DAB1: variants seen among roughly 807,000 people sequenced by gnomAD.
DAB1 encodes DAB adaptor protein 1.
A neutral mutation model predicts 64.6 loss-of-function variants in DAB1; 15 were observed. The observed-to-expected ratio is 0.23, with a 90% confidence interval of 0.16 to 0.36. DAB1 has a LOEUF of 0.36. Among genes scored for constraint, DAB1 ranks in the 10% least tolerant of loss-of-function variants. DAB1 has a pLI of 1.00. For synonymous variants in DAB1, 235 were observed against 251.9 expected (o/e 0.93, Z 0.64); for missense variants, 596 against 706.7 (o/e 0.84, Z 1.78).
chr1:58,518,277 G>GAGAAGAGAAGAGAA (rs1553123887), intron 2 of DAB1, among the ~76,000 whole-genome samples: 1 of 2,404 alleles, frequency 4.2e-4, no homozygotes, highest in Non-Finnish European at 7.7e-4. Context: ...AGAGAGGAGA[G>GAGAAGAGAAGAGAA]GAGAAGAGAA....
chr1:58,334,013 G>A (rs987998528), intron 4 of DAB1, among the ~76,000 whole-genome samples: 3 of 152,236 alleles, frequency 2.0e-5, no homozygotes, highest in South Asian at 2.1e-4. Context: ...TACTCTCTCC[G>A]TCTCTGTAAT....
intron 5 of DAB1, among the ~76,000 whole-genome samples, chr1:58,103,390 G>C (rs1303200190): frequency 6.6e-6 from 1 of 152,100 alleles, no homozygotes; most frequent in Admixed American, 6.5e-5. Context: ...ATACTCTGTT[G>C]CAACTACTCA....
chr1:58,497,224 A>C (rs2100394944), intron 3 of DAB1, among the ~76,000 whole-genome samples: 1 of 152,302 alleles, frequency 6.6e-6, no homozygotes, highest in Admixed American at 6.5e-5. Flanking sequence ...GTTTTAAAAC[A>C]AACAAAACAA....
chr1:57,480,315 G>A (rs897522938), intron 7 of DAB1, among the ~76,000 whole-genome samples: 1 of 152,228 alleles, frequency 6.6e-6, no homozygotes, highest in East Asian at 1.9e-4. Flanking sequence ...GCTTAGATGG[G>A]ATAATGGGTC....
chr1:58,029,695 T>G (rs941262862), intron 5 of DAB1, among the ~76,000 whole-genome samples: 1 of 152,158 alleles, frequency 6.6e-6, no homozygotes, highest in East Asian at 1.9e-4. Flanking sequence ...AATGATCAGA[T>G]GAGGAAAAAT....
At chr1:58,165,178 T>C (rs1655761015) in intron 4 of DAB1, among the ~76,000 whole-genome samples, 1 of 152,144 alleles carries the variant, frequency 6.6e-6, no homozygotes, top group Non-Finnish European at 1.5e-5. Context: ...CACTGTTGCT[T>C]TTTCTTGAAG....
chr1:58,254,360 C>T (rs74509995), intron 4 of DAB1, among the ~76,000 whole-genome samples: 2,581 of 151,386 alleles, frequency 0.017, 71 homozygotes, highest in African/African-American at 0.06. Context: ...AGATCAACAG[C>T]TTAAGGCAAA....
intron 3 of DAB1, among the ~76,000 whole-genome samples, chr1:57,144,557 G>T (rs569113684): frequency 6.6e-5 from 10 of 152,074 alleles, no homozygotes; most frequent in Admixed American, 5.9e-4. Flanking sequence ...AGCCAGGCCT[G>T]GTAGTGTGCA....
intron 5 of DAB1, among the ~76,000 whole-genome samples, chr1:57,979,076 G>T (rs1024047527): frequency 2.6e-5 from 4 of 152,104 alleles, no homozygotes; most frequent in Admixed American, 6.5e-5. Context: ...TATACTCAAA[G>T]AATTACAAAT....
Position 58,436,809 on chromosome 1 carries a change from C to T in DAB1, n.257+69251G>A, listed in dbSNP as rs192189069. Among the ~76,000 whole-genome samples, 9 of 152,316 alleles carry T rather than the reference C, an allele frequency of 5.9e-5. No individual in the cohort carries two copies. The East Asian group carries it at 1.7e-3, about 29-fold the overall frequency. On this transcript the variant is annotated intron_variant and non_coding_transcript_variant, in intron 3 of 20. Transcript: ENST00000485760. The stretch of plus-strand genomic sequence containing the variant: ...TTTAAATAAAGAAGTGCAGTGTCAG[C>T]GATGTTTGCACTTCCCATTTGGGTG...
At chr1:57,638,742 G>A (rs1412504756) in intron 7 of DAB1, among the ~76,000 whole-genome samples, 3 of 152,070 alleles carry the variant, frequency 2.0e-5, no homozygotes, top group Non-Finnish European at 4.4e-5. Flanking sequence ...GGCAAAGGCA[G>A]GAAAGGGCAT....
At chr1:57,566,857 G>A (rs181745359) in intron 7 of DAB1, among the ~76,000 whole-genome samples, 3 of 152,300 alleles carry the variant, frequency 2.0e-5, no homozygotes, top group Admixed American at 2.0e-4. Flanking sequence ...ACAAGAAGGA[G>A]CTGGTACCAT....
At chr1:57,887,692 T>C (rs1006678905), upstream of DAB1, among the ~76,000 whole-genome samples, 3 of 152,182 alleles carry the variant, frequency 2.0e-5, no homozygotes, top group African/African-American at 4.8e-5. Context: ...TGCTCAGATA[T>C]AAGCAGAGCA....
chr1:57,807,772 C>T (rs1416598418), intron 6 of DAB1, among the ~76,000 whole-genome samples: 1 of 152,106 alleles, frequency 6.6e-6, no homozygotes, highest in African/African-American at 2.4e-5. Context: ...TCAAACACCC[C>T]TGAGACAGCA....
chr1:57,741,932 T>C lies in DAB1; in HGVS notation n.552-92267A>G, dbSNP rs1396556232. ...AAATAGATTGTAATCACTGTAAACTTTCCCTTGTTACAGTTTTCGAGTGCT... is the reference window on the plus strand; with the variant it reads ...AAATAGATTGTAATCACTGTAAACTCTCCCTTGTTACAGTTTTCGAGTGCT... On this transcript the variant is annotated intron_variant and non_coding_transcript_variant, in intron 6 of 20. Transcript: ENST00000485760. Among the ~76,000 whole-genome samples the C allele has an allele frequency of 2.0e-5, 3 of 152,326 alleles. No individual in the cohort carries two copies. The East Asian group carries it at 5.8e-4, about 29-fold the overall frequency.
intron 1 of DAB1, among the ~76,000 whole-genome samples, chr1:57,840,684 G>T (rs538146160): frequency 1.3e-5 from 2 of 152,056 alleles, no homozygotes; most frequent in Non-Finnish European, 2.9e-5. Flanking sequence ...AGTGAGCAAG[G>T]GGGGCAAGTG....
At chr1:57,770,474 C>T (rs1036053818) in intron 6 of DAB1, among the ~76,000 whole-genome samples, 28 of 151,802 alleles carry the variant, frequency 1.8e-4, no homozygotes, top group Admixed American at 8.5e-4. Flanking sequence ...TGCTATGTTG[C>T]CCAGGCTGGC....
intron 5 of DAB1, among the ~76,000 whole-genome samples, chr1:58,085,958 CTTTT>C (rs911523306): frequency 4.1e-5 from 4 of 98,724 alleles, no homozygotes; most frequent in South Asian, 4.7e-4. Flanking sequence ...ATCTCTCTCT[CTTTT>C]TTTTTTTTTT....
At chr1:57,532,886 G>A (rs1189593188) in intron 7 of DAB1, among the ~76,000 whole-genome samples, 2 of 152,130 alleles carry the variant, frequency 1.3e-5, no homozygotes, top group Non-Finnish European at 2.9e-5. Context: ...ATTCATTGCT[G>A]TAATCATTTT....
Sources: gnomAD v4.1 joint callset for allele counts (sites outside exome capture counted in the v4.1 genomes callset) on GRCh38, gnomAD v4.1.1 for gene constraint, MANE v1.5 for transcripts, NCBI Gene and HGNC (gene_info 2026-07-23, HGNC 2026-07-21) for gene names.